The following RAD51C variants were observed in gnomAD, a reference collection of about 807,000 sequenced individuals.
RAD51C encodes DNA repair protein RAD51 homolog 3.
A neutral mutation model predicts 45.0 loss-of-function variants in RAD51C; 42 were observed. That is an observed-to-expected ratio of 0.93 (90% CI 0.73 to 1.21). The LOEUF (loss-of-function observed/expected upper bound fraction) is 1.21, where lower values mean the gene tolerates loss of function less well. RAD51C is among the 50% of genes most tolerant of loss of function. The pLI, the probability that RAD51C is intolerant of heterozygous loss-of-function variation, is 0.00. For missense variants in RAD51C, 474 were observed against 452.2 expected (o/e 1.05, Z -0.44); for synonymous variants, 172 against 159.8 (o/e 1.08, Z -0.58).
chr17:58,718,802 T>A (rs1355940423), intron 5 of RAD51C, among the ~76,000 whole-genome samples: 2 of 152,218 alleles, frequency 1.3e-5, no homozygotes, highest in African/African-American at 2.4e-5. Flanking sequence ...GTTTCTTTTT[T>A]TCCTATAAAA....
chr17:58,719,644 A>G (rs999524590), intron 5 of RAD51C, among the ~76,000 whole-genome samples: 2 of 152,014 alleles, frequency 1.3e-5, no homozygotes, highest in African/African-American at 2.4e-5. Flanking sequence ...GCAAGACCCC[A>G]TCTCTAAAGT....
rs1055706551 is a variant in RAD51C, at chr17:58,692,935, A to G, written c.145+147A>G. ...GTTTACAGCGTGAAAGAGCTCCTCG[A>G]CTCCACTTACAAGTTGTCTGAATGG... On this transcript the variant is annotated intron_variant, in intron 1 of 8. Coordinates refer to ENST00000337432, the MANE Select transcript of RAD51C (RefSeq NM_058216.3). 9 of 1,170,446 alleles carry G rather than the reference A, an allele frequency of 7.7e-6. No individual in the cohort carries two copies. The African/African-American group carries it at 1.4e-4, about 18-fold the overall frequency. 72.5% of individuals were successfully genotyped at this position (1,170,446 alleles called of 1,614,324 possible).
intron 4 of RAD51C, among the ~76,000 whole-genome samples, chr17:58,709,042 C>T (rs2048464558): frequency 2.0e-5 from 3 of 150,878 alleles, no homozygotes; most frequent in African/African-American, 7.3e-5. Flanking sequence ...AGACTGTGTA[C>T]AGTGGCAAGT....
At chr17:58,698,826 G>A (rs2048110122) in intron 3 of RAD51C, among the ~76,000 whole-genome samples, 1 of 150,392 alleles carries the variant, frequency 6.6e-6, no homozygotes, top group African/African-American at 2.4e-5. Flanking sequence ...GGAGGATGAG[G>A]CAGGAGAATC....
chr17:58,695,608 A>G (rs930849145), intron 2 of RAD51C, among the ~76,000 whole-genome samples: 2 of 152,046 alleles, frequency 1.3e-5, no homozygotes, highest in African/African-American at 4.8e-5. Context: ...CAACATAGTG[A>G]GACCTCGTCT....
At chr17:58,701,392 C>T (rs1294475648) in intron 3 of RAD51C, among the ~76,000 whole-genome samples, 1 of 151,280 alleles carries the variant, frequency 6.6e-6, no homozygotes, top group African/African-American at 2.4e-5. Flanking sequence ...CCTGTAGTCC[C>T]GGCTGCTGGG....
intron 8 of RAD51C, among the ~76,000 whole-genome samples, chr17:58,733,441 TATC>T (rs1330655136): frequency 1.3e-5 from 2 of 152,144 alleles, no homozygotes; most frequent in Non-Finnish European, 2.9e-5. Context: ...GAGAGAGAAA[TATC>T]ATAGTTGGAA....
chr17:58,695,279 T>C (rs2143730296), intron 2 of RAD51C, 90 bp downstream of exon 2: 9 of 1,488,154 alleles, frequency 6.0e-6, no homozygotes, highest in East Asian at 2.3e-5. Flanking sequence ...CCAAATAAGA[T>C]ATATATGTGC....
At position 58,721,051 on chromosome 17, in the gene RAD51C, G is replaced by A. The variant is rs115299316; in HGVS notation, c.904+239G>A. 4.9e-3 allele frequency among the ~76,000 whole-genome samples: 743 copies of A among 152,234 alleles called. 2 individuals are homozygous for A. Among genetic ancestry groups the A allele is most frequent in the African/African-American group, 0.017 (717 of 41,552 alleles). Reference sequence around the variant, plus strand: ...TGTAATCCCAACACCTTGGGAGGCCGAGGCGGATCACTTGAGGCCAGGAGT... The same window carrying A: ...TGTAATCCCAACACCTTGGGAGGCCAAGGCGGATCACTTGAGGCCAGGAGT... On this transcript the variant is annotated intron_variant, in intron 6 of 8. Transcript: ENST00000337432.
rs140569104 is a variant in RAD51C at position 58,729,247 on chromosome 17, C to T, written c.966-3237C>T. On this transcript the variant is annotated intron_variant, in intron 7 of 8. Transcript: ENST00000337432. ...TGGTTTTGTTTTTGAGATGGAGTTTCGCTTTTGTTGCCCAGGCTGGAGTGC... is the reference window on the plus strand; with the variant it reads ...TGGTTTTGTTTTTGAGATGGAGTTTTGCTTTTGTTGCCCAGGCTGGAGTGC... Among the ~76,000 whole-genome samples, 8 of 152,094 alleles carry T rather than the reference C, an allele frequency of 5.3e-5. No individual in the cohort carries two copies. The East Asian group carries it at 9.7e-4, about 18-fold the overall frequency.
At chr17:58,726,113 T>C (rs374259368) in intron 7 of RAD51C, among the ~76,000 whole-genome samples, 1 of 152,000 alleles carries the variant, frequency 6.6e-6, no homozygotes, top group South Asian at 2.1e-4. Flanking sequence ...AGATCATTTT[T>C]TTAATTCTTA....
intron 3 of RAD51C, among the ~76,000 whole-genome samples, chr17:58,697,215 G>A (rs750570496): frequency 1.3e-4 from 20 of 152,188 alleles, no homozygotes; most frequent in Middle Eastern, 3.4e-3. Context: ...CTTCCATATT[G>A]GTTTTCCAAA....
rs544005100 is a variant in RAD51C, at chr17:58,705,344, T to G, written c.705+2015T>G. Among the ~76,000 whole-genome samples the G allele has an allele frequency of 1.7e-3, 224 of 134,176 alleles. 1 individual carries two copies. The highest frequency in any genetic ancestry group is 3.7e-3 in the Middle Eastern group (1 of 268). The allele number at this position is 134,176 out of a possible 152,430, so 88.0% of individuals were successfully genotyped here. On this transcript the variant is annotated intron_variant, in intron 4 of 8. Coordinates refer to ENST00000337432, the MANE Select transcript of RAD51C (RefSeq NM_058216.3). ...ATTCCCTGGTGTTTTTTCTTTTTTT[T>G]GGGGGGGGGGTGGAGTTTCGCTTTT...
At chr17:58,693,025 G>A in intron 1 of RAD51C, 1 of 560,986 alleles carries the variant, frequency 1.8e-6, no homozygotes. Context: ...CCTGCTGAAT[G>A]CTTTGAGGAT....
rs757624360 is a variant in RAD51C at position 58,724,033 on chromosome 17, C to T, written c.905-7C>T. The stretch of plus-strand genomic sequence containing the variant: ...CCATATACAGTTATTATGTTTTTTA[C>T]TCTCAGGGGAAAGTTGGGGACATGC... On this transcript the variant is annotated splice_polypyrimidine_tract_variant and splice_region_variant and intron_variant, in intron 6 of 8. Coordinates refer to ENST00000337432, the MANE Select transcript of RAD51C (RefSeq NM_058216.3). The T allele has an allele frequency of 3.1e-6, 5 of 1,609,790 alleles. No individual in the cohort carries two copies. Among genetic ancestry groups the T allele is most frequent in the East Asian group, 2.2e-5 (1 of 44,848 alleles).
chr17:58,697,941 A>G (rs1423304341), intron 3 of RAD51C, among the ~76,000 whole-genome samples: 2 of 151,786 alleles, frequency 1.3e-5, no homozygotes, highest in Non-Finnish European at 2.9e-5. Flanking sequence ...CAAACTCCTG[A>G]CCTCAGGTGA....
chr17:58,713,846 G>A (rs2048639319), intron 5 of RAD51C, among the ~76,000 whole-genome samples: 1 of 151,846 alleles, frequency 6.6e-6, no homozygotes, highest in Admixed American at 6.6e-5. Context: ...TAGAGATGAG[G>A]TCTCACTATG....
At chr17:58,712,277 G>A (rs1318127746) in intron 5 of RAD51C, among the ~76,000 whole-genome samples, 8 of 150,022 alleles carry the variant, frequency 5.3e-5, no homozygotes, top group Admixed American at 3.3e-4. Context: ...CCCAGAAGGC[G>A]GAGGTTGCAG....
At chr17:58,693,914 A>G (rs908432836) in intron 1 of RAD51C, 6 of 152,184 alleles carry the variant, frequency 3.9e-5, no homozygotes, top group Non-Finnish European at 5.9e-5. Flanking sequence ...ATTGTCTTTT[A>G]TTAGCCCCAT....
Sources: gnomAD v4.1 joint callset for allele counts (sites outside exome capture counted in the v4.1 genomes callset) on GRCh38, gnomAD v4.1.1 for gene constraint, MANE v1.5 for transcripts, NCBI Gene and HGNC (gene_info 2026-07-23, HGNC 2026-07-21) for gene names.